The following LCOR variants were observed in gnomAD, a reference collection of about 807,000 sequenced individuals.
LCOR encodes the protein ligand-dependent corepressor.
A neutral mutation model predicts 64.4 loss-of-function variants in LCOR; 14 were observed. The observed-to-expected ratio is 0.22, with a 90% CI of 0.14 to 0.34. The LOEUF (loss-of-function observed/expected upper bound fraction) is 0.34. Among genes scored for constraint, LCOR ranks in the 10% least tolerant of loss-of-function variants. LCOR has a pLI of 1.00. For missense variants in LCOR, 1,686 were observed against 1,765.3 expected (o/e 0.96, Z 0.80); for synonymous variants, 643 against 642.5 (o/e 1.00, Z -0.01).
intron 4 of LCOR, among the ~76,000 whole-genome samples, chr10:96,939,535 C>T (rs545913587): frequency 1.3e-5 from 2 of 152,240 alleles, no homozygotes; most frequent in East Asian, 3.9e-4. Context: ...ACCATCAATA[C>T]TATCAAATAA....
chr10:96,889,146 T>A (rs1396415553), intron 2 of LCOR, among the ~76,000 whole-genome samples: 1 of 152,252 alleles, frequency 6.6e-6, no homozygotes, highest in African/African-American at 2.4e-5. Context: ...ACCTATTACA[T>A]AGTCACTTCC....
chr10:96,927,895 G>A (rs571213777), intron 4 of LCOR, among the ~76,000 whole-genome samples: 1 of 152,230 alleles, frequency 6.6e-6, no homozygotes, highest in African/African-American at 2.4e-5. Flanking sequence ...GTTTCCCAGT[G>A]CATATAAAAG....
chr10:96,983,726 A>T lies in LCOR; in HGVS notation c.3266A>T (p.Asp1089Val). The change falls in exon 8 of 8, where the codon GAC (aspartate) becomes GTC (valine). Residue 1089 changes from aspartate to valine, a missense_variant. By Grantham distance (152) the Asp-to-Val change is radical (BLOSUM62 -3). This residue lies in a region of LCOR where 1,293 missense variants were observed against 1,410.4 expected (regional missense o/e 0.92). Transcript: ENST00000421806. The surrounding 1 kb of genome is among the most constrained non-coding windows in gnomAD (Gnocchi z 4.5). The stretch of plus-strand genomic sequence containing the variant: ...GACCCCCTAGATGAGGACGATGTTG[A>T]CACCGTGGTAGATGAACAGCCAAAG... Reference protein sequence around the residue: ...SGDPLDEDDVDTVVDEQPKFM... With the variant: ...SGDPLDEDDVVTVVDEQPKFM... 1 of 1,614,198 alleles carries T rather than the reference A, an allele frequency of 6.2e-7. No individual in the cohort carries two copies. The highest frequency in any genetic ancestry group is 8.5e-7 in the Non-Finnish European group (1 of 1,180,020).
intron 2 of LCOR, among the ~76,000 whole-genome samples, chr10:96,885,502 C>T (rs1424986345): frequency 6.6e-6 from 1 of 151,884 alleles, no homozygotes; most frequent in African/African-American, 2.4e-5. Context: ...CTGCCTCAGC[C>T]TCCCAAGTAG....
At position 96,995,248 on chromosome 10, in the gene LCOR, T is replaced by G. The variant is rs1367567862; in HGVS notation, c.*10114T>G. The G allele has an allele frequency of 6.6e-6, 1 of 152,288 alleles. No individual in the cohort carries two copies. Among genetic ancestry groups the G allele is most frequent in the Admixed American group, 6.5e-5 (1 of 15,290 alleles). 9.4% of individuals were successfully genotyped at this position (152,288 alleles called of 1,614,324 possible). A position where few individuals can be genotyped will look rare whatever the true frequency, so the allele number is the denominator to read the frequency against. ...TCGTAGTTGTTCAGTTGTGCTCTTT[T>G]TGCTGTCTTGTGAGTCTTAGCCAGT... On this transcript the variant is annotated 3_prime_UTR_variant, in exon 8 of 8. Coordinates refer to ENST00000421806, the MANE Select transcript of LCOR (RefSeq NM_001346516.2). The surrounding 1 kb of genome is among the most constrained non-coding windows in gnomAD (Gnocchi z 4.2).
intron 2 of LCOR, among the ~76,000 whole-genome samples, chr10:96,892,802 C>G (rs1477597500): frequency 6.6e-6 from 1 of 152,176 alleles, no homozygotes; most frequent in East Asian, 1.9e-4. Flanking sequence ...CTTTCACCTT[C>G]AACCTCTTTG....
At chr10:96,978,150 G>A (rs933380645) in intron 7 of LCOR, among the ~76,000 whole-genome samples, 2 of 152,162 alleles carry the variant, frequency 1.3e-5, no homozygotes, top group Non-Finnish European at 1.5e-5. Context: ...TTCAGCAGGG[G>A]CCTCCTCCTG....
intron 2 of LCOR, among the ~76,000 whole-genome samples, chr10:96,888,363 CAAAAAAAAAAAA>C (rs61076542): frequency 4.3e-4 from 13 of 30,542 alleles, no homozygotes; most frequent in African/African-American, 1.0e-3. Flanking sequence ...GACTCCGTCT[CAAAAAAAAAAAA>C]AAAAAAAAAA....
chr10:96,953,755 G>GA (rs1847720618), intron 7 of LCOR, among the ~76,000 whole-genome samples: 1 of 152,152 alleles, frequency 6.6e-6, no homozygotes, highest in South Asian at 2.1e-4. Flanking sequence ...TTTTATGGAA[G>GA]AAAAATGCAC....
At chr10:96,857,752 C>G (rs763327888) in intron 2 of LCOR, among the ~76,000 whole-genome samples, 1 of 152,148 alleles carries the variant, frequency 6.6e-6, no homozygotes, top group Non-Finnish European at 1.5e-5. Flanking sequence ...GTATTTTTAA[C>G]AAGTGTCTCA....
chr10:96,855,168 C>T (rs111710655), intron 2 of LCOR, among the ~76,000 whole-genome samples: 152 of 152,224 alleles, frequency 1.0e-3, no homozygotes, highest in Non-Finnish European at 1.9e-3. Context: ...TTTCTTTTCT[C>T]TAGGGTAGCT....
chr10:96,847,471 C>T (rs900196874), intron 2 of LCOR, among the ~76,000 whole-genome samples: 13 of 151,434 alleles, frequency 8.6e-5, no homozygotes, highest in African/African-American at 2.4e-4. Context: ...CAGAGTTTTG[C>T]TCTTAATGTT....
intron 6 of LCOR, among the ~76,000 whole-genome samples, chr10:96,949,943 T>A (rs549617989): frequency 1.3e-5 from 2 of 152,322 alleles, no homozygotes; most frequent in Non-Finnish European, 2.9e-5. Context: ...AAGAGGTTAT[T>A]AGTTTTGTTT....
At chr10:96,841,772 T>TA (rs893223870) in intron 2 of LCOR, among the ~76,000 whole-genome samples, 12 of 150,854 alleles carry the variant, frequency 8.0e-5, no homozygotes, top group African/African-American at 2.2e-4. Flanking sequence ...AAATAAATAA[T>TA]AAAAAAATAT....
chr10:96,897,866 CTTT>C (rs59098946), intron 2 of LCOR, among the ~76,000 whole-genome samples: 21 of 116,264 alleles, frequency 1.8e-4, no homozygotes, highest in African/African-American at 4.3e-4. Flanking sequence ...AGAAAGCCAT[CTTT>C]TTTTTTTTTT....
chr10:96,935,531 T>C (rs1589666654), intron 4 of LCOR, among the ~76,000 whole-genome samples: 1 of 151,980 alleles, frequency 6.6e-6, no homozygotes, highest in Non-Finnish European at 1.5e-5. Context: ...ATTGGAAGGG[T>C]TGACTTTACA....
chr10:96,956,549 A>G (rs1847786938), intron 7 of LCOR: 1 of 985,494 alleles, frequency 1.0e-6, no homozygotes, highest in South Asian at 4.7e-5. Flanking sequence ...ATTTATTTAA[A>G]TTAGCAAGCT....
chr10:96,984,094 C>G lies in LCOR; in HGVS notation c.3634C>G (p.Pro1212Ala). The change falls in exon 8 of 8, where the codon CCT becomes GCT. Residue 1212 changes from proline to alanine, a missense_variant. Physicochemically the swap from Pro to Ala is conservative, Grantham distance 27. Coordinates refer to ENST00000421806, the MANE Select transcript of LCOR (RefSeq NM_001346516.2). Reference sequence around the variant, plus strand: ...TACTCGCCTTCCAGGAGACGTTCCCCCTGTCAAGCATCCTCTTCAGAAATA... The same window carrying G: ...TACTCGCCTTCCAGGAGACGTTCCCGCTGTCAAGCATCCTCTTCAGAAATA... ...LNTRLPGDVP[P>A]VKHPLQKYAP... 1.2e-6 allele frequency: 2 copies of G among 1,614,116 alleles called. No individual in the cohort carries two copies. Among genetic ancestry groups the G allele is most frequent in the Admixed American group, 3.3e-5 (2 of 60,016 alleles).
intron 7 of LCOR, among the ~76,000 whole-genome samples, chr10:96,952,525 A>G (rs528880312): frequency 2.0e-5 from 3 of 152,022 alleles, no homozygotes; most frequent in Admixed American, 2.0e-4. Context: ...AAGCTGTTTA[A>G]TGAAAATTGA....
Sources: allele counts gnomAD v4.1 joint callset (sites outside exome capture counted in the v4.1 genomes callset), GRCh38; gene constraint gnomAD v4.1.1; regional missense constraint gnomAD v4.1.1; non-coding constraint Gnocchi (gnomAD v3.1); transcripts MANE v1.5; gene names NCBI Gene and HGNC (gene_info 2026-07-23, HGNC 2026-07-21).